The following SYN1 variants were observed in gnomAD, a reference collection of about 807,000 sequenced individuals.
The protein encoded by SYN1 is synapsin-1.
In SYN1, 8 loss-of-function variants were observed where a neutral mutation model predicts 44.6. That is an observed-to-expected ratio of 0.18 (90% CI 0.11 to 0.32). The LOEUF (loss-of-function observed/expected upper bound fraction) is 0.32, where lower values mean the gene tolerates loss of function less well. SYN1 is among the 10% of genes least tolerant of loss of function. The pLI is 1.00. For missense variants in SYN1, 451 were observed against 639.4 expected (o/e 0.71, Z 3.18); for synonymous variants, 275 against 280.1 (o/e 0.98, Z 0.18).
intron 9 of SYN1, 135 bp downstream of exon 9, chrX:47,575,996 C>T (rs374853646): frequency 1.6e-5 from 10 of 641,245 alleles, no homozygotes; most frequent in Non-Finnish European, 2.0e-5. Context: ...TTCGAAAGTT[C>T]GTCAGGCACC....
intron 5 of SYN1, chrX:47,585,233 A>G: frequency 8.3e-7 from 1 of 1,200,392 alleles, no homozygotes; most frequent in Non-Finnish European, 1.1e-6. Context: ...GCCTTAGGGG[A>G]TGCCGCTGAC....
rs775623577 is a variant in SYN1 at position 47,573,384 on chromosome X, T to C, written c.1983-385A>G. On this transcript the variant is annotated intron_variant, in intron 12 of 12. Coordinates refer to ENST00000295987, the MANE Select transcript of SYN1 (RefSeq NM_006950.3). ...TAAGGGTGAGGTGTCTAGGAGGGCA[T>C]AGAAAGGGCTTGGACCAAGGACAGG... Among the ~76,000 whole-genome samples the C allele has an allele frequency of 3.6e-5, 4 of 111,193 alleles. No homozygotes were observed. In the East Asian group the frequency reaches 1.1e-3, roughly 31 times the overall value.
Position 47,572,923 on chromosome X carries a change from C to T in SYN1, c.2059G>A (p.Val687Met), listed in dbSNP as rs1166508074. ...PPRPSLSQDE[V>M]KAETIRSLRK... Reference sequence around the variant, plus strand: ...AGGCTGCGGATGGTCTCAGCTTTCACCTCGTCCTGGCTAAGGCTGGGCCTG... The same window carrying T: ...AGGCTGCGGATGGTCTCAGCTTTCATCTCGTCCTGGCTAAGGCTGGGCCTG... Residue 687 changes from valine (V) to methionine (M), a missense_variant, in exon 13 of 13, where the codon GTG becomes ATG. Physicochemically the swap from Val to Met is conservative, Grantham distance 21. Coordinates refer to ENST00000295987, the MANE Select transcript of SYN1 (RefSeq NM_006950.3). 8.3e-7 allele frequency: 1 copy of T among 1,211,865 alleles called. No homozygotes were observed. The highest frequency in any genetic ancestry group is 3.0e-5 in the East Asian group (1 of 33,852).
chrX:47,583,349 C>T, intron 5 of SYN1: 1 of 1,128,610 alleles, frequency 8.9e-7, no homozygotes, highest in Admixed American at 2.5e-5. Context: ...GGTGGATGAC[C>T]TGCCCAGGTC....
At chrX:47,600,982 T>C (rs1236889209) in intron 5 of SYN1, among the ~76,000 whole-genome samples, 1 of 111,469 alleles carries the variant, frequency 9.0e-6, no homozygotes. Context: ...TCTAGGAAAT[T>C]AGAAAGAAAA....
chrX:47,586,692 A>G (rs2057828646), intron 5 of SYN1: 6 of 1,207,198 alleles, frequency 5.0e-6, no homozygotes, highest in Non-Finnish European at 5.6e-6. Flanking sequence ...GATAGCCTGA[A>G]TCCTGCCCGG....
At chrX:47,616,611 G>A (rs1477267308) in intron 1 of SYN1, among the ~76,000 whole-genome samples, 1 of 111,951 alleles carries the variant, frequency 8.9e-6, no homozygotes, top group Admixed American at 9.5e-5. Context: ...ACGTTGGTGA[G>A]TGGACGTTGG....
At chrX:47,605,924 G>A (rs1210544360) in intron 3 of SYN1, among the ~76,000 whole-genome samples, 3 of 108,101 alleles carry the variant, frequency 2.8e-5, no homozygotes, top group Admixed American at 9.9e-5. Flanking sequence ...CTGTTGAGAC[G>A]GACTGTTGCT....
intron 5 of SYN1, among the ~76,000 whole-genome samples, chrX:47,600,353 C>T (rs2057876301): frequency 9.0e-6 from 1 of 110,973 alleles, no homozygotes. Context: ...CACCATGTGG[C>T]TTTTTGTGTG....
At chrX:47,597,242 C>A (rs1357428682) in intron 5 of SYN1, among the ~76,000 whole-genome samples, 1 of 106,807 alleles carries the variant, frequency 9.4e-6, no homozygotes, top group Non-Finnish European at 1.9e-5. Context: ...GGCTGAGGCA[C>A]GAGAATTGCT....
intron 1 of SYN1, among the ~76,000 whole-genome samples, chrX:47,612,858 C>T (rs751510436): frequency 9.0e-5 from 10 of 111,559 alleles, no homozygotes; most frequent in South Asian, 3.7e-4. Flanking sequence ...TGAGACTGGG[C>T]GCGGTGGCTC....
chrX:47,589,490 T>C (rs2057840482), intron 5 of SYN1, among the ~76,000 whole-genome samples: 1 of 102,253 alleles, frequency 9.8e-6, no homozygotes, highest in Non-Finnish European at 2.0e-5. Context: ...TAGTCCCAGC[T>C]ACTCGAGAGG....
chrX:47,585,790 G>T (rs1212180819), intron 5 of SYN1: 1 of 1,158,159 alleles, frequency 8.6e-7, no homozygotes, highest in Non-Finnish European at 1.1e-6. Context: ...CAACCCTAAG[G>T]GCTGTCCCTG....
At chrX:47,613,931 G>A (rs1029172302) in intron 1 of SYN1, among the ~76,000 whole-genome samples, 1 of 111,814 alleles carries the variant, frequency 8.9e-6, no homozygotes, top group Non-Finnish European at 1.9e-5. Context: ...GGGACACAGA[G>A]GTTAGGAAGG....
intron 1 of SYN1, among the ~76,000 whole-genome samples, chrX:47,613,766 T>C (rs5953070): frequency 0.37 from 41,060 of 110,717 alleles, 5,966 homozygotes; most frequent in African/African-American, 0.54. Flanking sequence ...GCTGGCCTGA[T>C]GGAATGATGG....
Position 47,574,225 on chromosome X carries a change from G to A in SYN1, c.1759C>T (p.Arg587Cys). ...ASGAPPGGQQ[R>C]QGPPQKPPGP... The stretch of plus-strand genomic sequence containing the variant: ...GGGGGTTTCTGGGGCGGGCCCTGGC[G>A]CTGCTGCCCGCCCGGTGGGGCCCCA... Residue 587 changes from arginine to cysteine, a missense_variant, in exon 12 of 13, where the codon CGC becomes TGC. Physicochemically the swap from Arg to Cys is radical, Grantham distance 180. This residue lies in a region of SYN1 where 127 missense variants were observed against 154.8 expected (regional missense o/e 0.82). Transcript: ENST00000295987. 1.8e-6 allele frequency: 2 copies of A among 1,089,265 alleles called. No homozygotes were observed. The highest frequency in any genetic ancestry group is 2.4e-6 in the Non-Finnish European group (2 of 841,920). 89.8% of individuals were successfully genotyped at this position (1,089,265 alleles called of 1,213,427 possible).
chrX:47,588,355 C>G (rs377565884), intron 5 of SYN1, among the ~76,000 whole-genome samples: 1 of 112,865 alleles, frequency 8.9e-6, no homozygotes, highest in African/African-American at 3.2e-5. Context: ...ATTCGCCAAA[C>G]CTTAGTGTCA....
intron 1 of SYN1, among the ~76,000 whole-genome samples, chrX:47,609,070 G>A (rs975920196): frequency 7.3e-5 from 8 of 109,192 alleles, no homozygotes; most frequent in African/African-American, 2.7e-4. Context: ...CAGAAGTGTT[G>A]AGAGAGAATC....
intron 1 of SYN1, among the ~76,000 whole-genome samples, chrX:47,613,355 T>C (rs747023825): frequency 9.1e-6 from 1 of 110,365 alleles, no homozygotes; most frequent in South Asian, 3.9e-4. Flanking sequence ...AGAAGCTATG[T>C]GTGGGGGCAG....
Sources: gnomAD v4.1 joint callset for allele counts (sites outside exome capture counted in the v4.1 genomes callset) on GRCh38, gnomAD v4.1.1 for gene constraint, gnomAD v4.1.1 regional missense constraint, MANE v1.5 for transcripts, NCBI Gene and HGNC (gene_info 2026-07-23, HGNC 2026-07-21) for gene names.